Variants in KIF4A observed in about 807,000 individuals in gnomAD.
The protein encoded by KIF4A is chromosome-associated kinesin KIF4A.
KIF4A carries 7 observed loss-of-function variants against 105.9 expected under a neutral mutation model. The ratio of observed to expected loss-of-function variants is 0.07; its 90% CI spans 0.04 to 0.12. The LOEUF (loss-of-function observed/expected upper bound fraction) is 0.12, where lower values mean the gene tolerates loss of function less well. Ranked by LOEUF, KIF4A falls within the 10% of genes least tolerant of loss-of-function variation. The pLI is 1.00. For synonymous variants in KIF4A, 281 were observed against 331.3 expected, an observed-to-expected ratio of 0.85 and a Z score of 1.65; for missense variants, 558 against 929.2, an observed-to-expected ratio of 0.60 and a Z score of 5.19.
chrX:70,366,499 T>C (rs1335554636), intron 15 of KIF4A, among the ~76,000 whole-genome samples: 5 of 112,250 alleles, frequency 4.5e-5, no homozygotes, highest in African/African-American at 1.6e-4. Flanking sequence ...GCCTTCATTT[T>C]GTTATGTACC....
At position 70,310,149 on chromosome X, in the gene KIF4A, A is replaced by G. The variant is rs754937138; in HGVS notation, c.778+7751A>G. On this transcript the variant is annotated intron_variant, in intron 7 of 30. Transcript: ENST00000374403. ...CATTCATATATCTACCACCAAAAAT[A>G]TCATATAAAACAATTCCATCTTTCC... 2.7e-5 allele frequency among the ~76,000 whole-genome samples: 3 copies of G among 112,322 alleles called. No individual in the cohort carries two copies. The South Asian group carries it at 1.1e-3, about 42-fold the overall frequency.
At chrX:70,386,329 C>T (rs1420807572) in intron 18 of KIF4A, among the ~76,000 whole-genome samples, 1 of 111,276 alleles carries the variant, frequency 9.0e-6, no homozygotes, top group Non-Finnish European at 1.9e-5. Flanking sequence ...GATCTTTAAG[C>T]TTCCTTCCAG....
chrX:70,366,740 G>A (rs754861039), intron 15 of KIF4A, among the ~76,000 whole-genome samples: 1 of 111,866 alleles, frequency 8.9e-6, no homozygotes, highest in Non-Finnish European at 1.9e-5. Flanking sequence ...ATTTGGGATG[G>A]AGAGTTCTGT....
intron 28 of KIF4A, among the ~76,000 whole-genome samples, chrX:70,414,398 A>G (rs966380242): frequency 1.8e-5 from 2 of 112,019 alleles, no homozygotes; most frequent in African/African-American, 6.5e-5. Context: ...ACAGGAAAAA[A>G]AAAGCAACTG....
At chrX:70,299,791 T>C (rs2085797881) in intron 5 of KIF4A, among the ~76,000 whole-genome samples, 1 of 112,278 alleles carries the variant, frequency 8.9e-6, no homozygotes, top group Non-Finnish European at 1.9e-5. Flanking sequence ...ATTTTTAAAA[T>C]TGAAAAGTTA....
At chrX:70,308,518 G>T (rs1204147267) in intron 7 of KIF4A, among the ~76,000 whole-genome samples, 1 of 112,166 alleles carries the variant, frequency 8.9e-6, no homozygotes, top group Non-Finnish European at 1.9e-5. Flanking sequence ...TTTTTTATTG[G>T]TGTTGCTGTG....
intron 28 of KIF4A, among the ~76,000 whole-genome samples, chrX:70,415,009 C>T (rs1274663777): frequency 8.9e-6 from 1 of 112,041 alleles, no homozygotes; most frequent in Non-Finnish European, 1.9e-5. Flanking sequence ...TGTTTAACAT[C>T]CTCTTTATAA....
At chrX:70,404,376 A>G (rs2086292726) in intron 24 of KIF4A, among the ~76,000 whole-genome samples, 1 of 111,436 alleles carries the variant, frequency 9.0e-6, no homozygotes, top group Admixed American at 9.6e-5. Context: ...CATCTCTACA[A>G]AAAATTACAG....
Position 70,369,367 on chromosome X carries a change from G to T in KIF4A, c.1675-4784G>T, listed in dbSNP as rs1447474858. Among the ~76,000 whole-genome samples, 5 of 112,138 alleles carry T rather than the reference G, an allele frequency of 4.5e-5. No homozygotes were observed. In the East Asian group the frequency reaches 1.1e-3, roughly 25 times the overall value. On this transcript the variant is annotated intron_variant, in intron 15 of 30. Transcript: ENST00000374403. ...ACGCTGGGAGCTGTAGACTGGAGCT[G>T]TTCCTATTCAGCCATCTTGGCTCCA...
chrX:70,347,703 C>T (rs370855589), intron 13 of KIF4A, among the ~76,000 whole-genome samples: 74 of 108,749 alleles, frequency 6.8e-4, no homozygotes, highest in African/African-American at 2.1e-3. Flanking sequence ...GGGCCGGGCG[C>T]GGTGGCTCAC....
At chrX:70,329,735 C>T (rs1184288216) in intron 8 of KIF4A, among the ~76,000 whole-genome samples, 1 of 112,120 alleles carries the variant, frequency 8.9e-6, no homozygotes. Flanking sequence ...ATCTGTAGTG[C>T]ACCAACTGTA....
chrX:70,325,837 CT>C (rs1355659552), intron 7 of KIF4A, among the ~76,000 whole-genome samples: 4 of 110,571 alleles, frequency 3.6e-5, no homozygotes, highest in Admixed American at 9.7e-5. Flanking sequence ...TTAATAATAA[CT>C]TAAATATAGA....
At position 70,404,778 on chromosome X, in the gene KIF4A, G is replaced by A. The variant is rs1569252989; in HGVS notation, c.2854G>A (p.Val952Ile). The change falls in exon 25 of 31, where the codon GTC becomes ATC. Residue 952 changes from valine (V) to isoleucine (I), a missense_variant. Val to Ile is a conservative substitution (Grantham distance 29). Around this residue, in one of 2 missense-constraint regions of KIF4A, gnomAD observed 469 missense variants for 680.4 expected, o/e 0.69. Transcript: ENST00000374403. ...QMAEKQLEES[V>I]SEKEQQLLST... ...GGCAGAGAAGCAGTTAGAGGAATCAGTCAGTGAAAAGGAACAGCAGCTGCT... is the reference window on the plus strand; with the variant it reads ...GGCAGAGAAGCAGTTAGAGGAATCAATCAGTGAAAAGGAACAGCAGCTGCT... The A allele has an allele frequency of 1.7e-6, 2 of 1,209,135 alleles. No homozygotes were observed. Among genetic ancestry groups the A allele is most frequent in the Non-Finnish European group, 2.2e-6 (2 of 893,975 alleles).
At chrX:70,302,192 G>A in intron 6 of KIF4A, 112 bp from the exon 7 acceptor site, 1 of 1,073,268 alleles carries the variant, frequency 9.3e-7, no homozygotes, top group East Asian at 3.1e-5. Context: ...GTGACTAATG[G>A]AGCCATTTTG....
At chrX:70,418,837 C>A (rs983977149) in intron 29 of KIF4A, among the ~76,000 whole-genome samples, 3 of 111,893 alleles carry the variant, frequency 2.7e-5, no homozygotes, top group Non-Finnish European at 3.8e-5. Context: ...GTAATCCTAG[C>A]ACTTTGGGAG....
At position 70,341,696 on chromosome X, in the gene KIF4A, C is replaced by T. The variant is rs762357789; in HGVS notation, c.1134-103C>T. 15 of 858,505 alleles carry T rather than the reference C, an allele frequency of 1.7e-5. No homozygotes were observed. The African/African-American group carries it at 2.3e-4, about 13-fold the overall frequency. 70.8% of individuals were successfully genotyped at this position (858,505 alleles called of 1,213,427 possible). A position where few individuals can be genotyped will look rare whatever the true frequency, so the allele number is the denominator to read the frequency against. On this transcript the variant is annotated intron_variant, in intron 10 of 30. Transcript: ENST00000374403. ...TTTTGTGGTATAATTTTGACCTAAT[C>T]CCCCTACCTATCCAAAAGGCCTATG...
At chrX:70,380,959 GCCAACA>G (rs2086195086) in intron 18 of KIF4A, among the ~76,000 whole-genome samples, 1 of 110,924 alleles carries the variant, frequency 9.0e-6, no homozygotes, top group Non-Finnish European at 1.9e-5. Flanking sequence ...GACCAGCCTG[GCCAACA>G]CGGTGAAACC....
Position 70,290,687 on chromosome X carries a change from C to G in KIF4A, c.121-4C>G. The G allele has an allele frequency of 8.3e-7, 1 of 1,206,034 alleles. No homozygotes were observed. Among genetic ancestry groups the G allele is most frequent in the African/African-American group, 1.7e-5 (1 of 57,663 alleles). On this transcript the variant is annotated splice_region_variant and splice_polypyrimidine_tract_variant and intron_variant, in intron 2 of 30. Transcript: ENST00000374403. The stretch of plus-strand genomic sequence containing the variant: ...CCTTACGCCTTGTCCCGTGCCTTCT[C>G]TAGGTGGTGGTTGGTACAGATAAAT...
intron 15 of KIF4A, among the ~76,000 whole-genome samples, chrX:70,360,721 C>G (rs1159498560): frequency 8.9e-6 from 1 of 112,952 alleles, no homozygotes; most frequent in Admixed American, 9.3e-5. Flanking sequence ...GCAGCCTGCC[C>G]AGGGATCTGG....
Sources: gnomAD v4.1 joint callset for allele counts (sites outside exome capture counted in the v4.1 genomes callset) on GRCh38, gnomAD v4.1.1 for gene constraint, gnomAD v4.1.1 regional missense constraint, MANE v1.5 for transcripts, NCBI Gene and HGNC (gene_info 2026-07-23, HGNC 2026-07-21) for gene names.